KCNAB1: variants seen among roughly 807,000 people sequenced by gnomAD.
KCNAB1 encodes the protein potassium voltage-gated channel subfamily A regulatory beta subunit 1.
A neutral mutation model predicts 64.6 loss-of-function variants in KCNAB1; 35 were observed. The ratio of observed to expected loss-of-function variants is 0.54; its 90% CI spans 0.41 to 0.72. The LOEUF is 0.72. KCNAB1 is among the 30% of genes least tolerant of loss of function. The probability of loss-of-function intolerance (pLI) is 0.00; values close to 1 mark genes in which losing one functional copy is unlikely to be tolerated. For synonymous variants in KCNAB1, 177 were observed against 183.8 expected (o/e 0.96, Z 0.30); for missense variants, 401 against 512.9 (o/e 0.78, Z 2.11).
At chr3:156,246,359 A>G (rs1041938841) in intron 1 of KCNAB1, among the ~76,000 whole-genome samples, 6 of 152,118 alleles carry the variant, frequency 3.9e-5, no homozygotes, top group Admixed American at 6.5e-5. Context: ...TAATCCCAGC[A>G]CTTTGGGAGG....
intron 5 of KCNAB1, among the ~76,000 whole-genome samples, chr3:156,463,309 A>G (rs969575682): frequency 6.6e-6 from 1 of 152,106 alleles, no homozygotes; most frequent in African/African-American, 2.4e-5. Context: ...CATTTGACTT[A>G]CTAAAGCAAT....
At chr3:156,181,141 A>C (rs935256922) in intron 1 of KCNAB1, among the ~76,000 whole-genome samples, 1 of 152,172 alleles carries the variant, frequency 6.6e-6, no homozygotes, top group Non-Finnish European at 1.5e-5. Context: ...TTTTAATTTA[A>C]TTACCTCTTT....
chr3:156,515,572 C>CA (rs1162467398), intron 10 of KCNAB1, among the ~76,000 whole-genome samples: 2 of 151,960 alleles, frequency 1.3e-5, no homozygotes, highest in Non-Finnish European at 2.9e-5. Flanking sequence ...GACTACCTTT[C>CA]AAAAAAAATC....
At chr3:156,358,388 T>C (rs896491093) in intron 1 of KCNAB1, among the ~76,000 whole-genome samples, 8 of 152,112 alleles carry the variant, frequency 5.3e-5, no homozygotes, top group East Asian at 1.9e-4. Flanking sequence ...AAGGGAGGAA[T>C]TGTGCTCTGA....
At chr3:156,380,820 G>C (rs1712095683) in intron 1 of KCNAB1, among the ~76,000 whole-genome samples, 1 of 152,092 alleles carries the variant, frequency 6.6e-6, no homozygotes. Flanking sequence ...AAATAGATCT[G>C]GTCCCTGATT....
At chr3:156,227,653 A>T (rs1391497959) in intron 1 of KCNAB1, 1 of 152,232 alleles carries the variant, frequency 6.6e-6, no homozygotes, top group Non-Finnish European at 1.5e-5. Flanking sequence ...GCAGTTAGTA[A>T]ACAGGGATGC....
At chr3:156,487,022 T>C (rs1715269356) in intron 8 of KCNAB1, among the ~76,000 whole-genome samples, 1 of 152,188 alleles carries the variant, frequency 6.6e-6, no homozygotes, top group Admixed American at 6.5e-5. Flanking sequence ...GATTACATTA[T>C]CATTAGTTAT....
intron 1 of KCNAB1, among the ~76,000 whole-genome samples, chr3:156,204,570 C>A (rs954893222): frequency 6.6e-6 from 1 of 151,332 alleles, no homozygotes; most frequent in African/African-American, 2.4e-5. Flanking sequence ...GTGGCTCACA[C>A]CTGTAATCTC....
intron 2 of KCNAB1, among the ~76,000 whole-genome samples, chr3:156,445,777 C>T (rs772114787): frequency 2.0e-5 from 3 of 152,108 alleles, no homozygotes; most frequent in Non-Finnish European, 2.9e-5. Context: ...ATAAACTATG[C>T]GGTTACAATA....
intron 1 of KCNAB1, among the ~76,000 whole-genome samples, chr3:156,399,732 A>G (rs1214440841): frequency 6.6e-6 from 1 of 152,234 alleles, no homozygotes; most frequent in Non-Finnish European, 1.5e-5. Flanking sequence ...ATCTGCTTTG[A>G]AAGGGTAGAC....
intron 8 of KCNAB1, among the ~76,000 whole-genome samples, chr3:156,503,772 T>C (rs1716625295): frequency 6.6e-6 from 1 of 152,222 alleles, no homozygotes; most frequent in Non-Finnish European, 1.5e-5. Context: ...ATTATTATTT[T>C]TAGTTGACAC....
chr3:156,433,633 T>C (rs1716382001), intron 2 of KCNAB1, among the ~76,000 whole-genome samples: 1 of 152,144 alleles, frequency 6.6e-6, no homozygotes, highest in Non-Finnish European at 1.5e-5. Flanking sequence ...GGGGAGGAAG[T>C]GACCACCTCT....
chr3:156,134,224 C>T (rs1436107734), intron 1 of KCNAB1, among the ~76,000 whole-genome samples: 1 of 152,128 alleles, frequency 6.6e-6, no homozygotes, highest in African/African-American at 2.4e-5. Context: ...GATCTATCTG[C>T]CTTGAAAATT....
In KCNAB1 at chr3:156,384,467, G is replaced by C. The variant is rs368403642; in HGVS notation, c.276-37149G>C. On this transcript the variant is annotated intron_variant, in intron 1 of 13. Coordinates refer to ENST00000490337, the MANE Select transcript of KCNAB1 (RefSeq NM_172160.3). ...AAAAGTCCTGGGTCTCAGACCAAAG[G>C]TTGTTCTAGAAACAACTTGCTCTTG... Among the ~76,000 whole-genome samples, 152 of 152,250 alleles carry C rather than the reference G, an allele frequency of 1.0e-3. 3 individuals are homozygous for C. In the South Asian group the frequency reaches 0.03, roughly 30 times the overall value.
intron 1 of KCNAB1, among the ~76,000 whole-genome samples, chr3:156,123,664 T>A (rs189121167): frequency 6.6e-6 from 1 of 152,292 alleles, no homozygotes; most frequent in East Asian, 1.9e-4. Flanking sequence ...TCATCTAGAG[T>A]TGACTGATAA....
At chr3:156,332,419 T>C (rs1430170328) in intron 1 of KCNAB1, among the ~76,000 whole-genome samples, 1 of 152,112 alleles carries the variant, frequency 6.6e-6, no homozygotes. Context: ...CTCTCAATTG[T>C]ACCGTATTTA....
At chr3:156,135,313 T>C (rs1437731127) in intron 1 of KCNAB1, among the ~76,000 whole-genome samples, 1 of 151,996 alleles carries the variant, frequency 6.6e-6, no homozygotes, top group Non-Finnish European at 1.5e-5. Flanking sequence ...AGCTTTTTTT[T>C]CCCCCATTTT....
chr3:156,123,560 A>G (rs1328474850), intron 1 of KCNAB1, among the ~76,000 whole-genome samples: 1 of 152,260 alleles, frequency 6.6e-6, no homozygotes, highest in Non-Finnish European at 1.5e-5. Flanking sequence ...AATGCACATT[A>G]GGTTTGTGGT....
Position 156,338,529 on chromosome 3 carries a change from C to G in KCNAB1, c.276-83087C>G, listed in dbSNP as rs564824298. Among the ~76,000 whole-genome samples the G allele has an allele frequency of 1.5e-3, 227 of 152,040 alleles. 2 individuals carry two copies. The highest frequency in any genetic ancestry group is 6.8e-3 in the Middle Eastern group (2 of 294). On this transcript the variant is annotated intron_variant, in intron 1 of 13. Transcript: ENST00000490337. ...GTTTCTCCATGTTGGTGAGGCTGGTCTTGAACTCCCGACCTCAGGTGATCC... is the reference window on the plus strand; with the variant it reads ...GTTTCTCCATGTTGGTGAGGCTGGTGTTGAACTCCCGACCTCAGGTGATCC...
Sources: gnomAD v4.1 joint callset for allele counts (sites outside exome capture counted in the v4.1 genomes callset) on GRCh38, gnomAD v4.1.1 for gene constraint, MANE v1.5 for transcripts, NCBI Gene and HGNC (gene_info 2026-07-23, HGNC 2026-07-21) for gene names.